The following ACER1 variants were observed in gnomAD, a reference collection of about 807,000 sequenced individuals.
ACER1 encodes CTB-180A7.3.
In ACER1, 28 loss-of-function variants were observed where a neutral mutation model predicts 24.9. The observed-to-expected ratio is 1.13, with a 90% CI of 0.83 to 1.54. The LOEUF is 1.54. Among genes scored for constraint, ACER1 ranks in the 40% most tolerant of loss-of-function variants. The probability of loss-of-function intolerance (pLI) is 0.00; values close to 1 mark genes in which losing one functional copy is unlikely to be tolerated. For missense variants in ACER1, 352 were observed against 349.3 expected, an observed-to-expected ratio of 1.01 and a Z score of -0.06; for synonymous variants, 132 against 131.4, an observed-to-expected ratio of 1.00 and a Z score of -0.03.
At chr19:6,333,644 C>A (rs966180045), upstream of ACER1, 18 of 1,072,724 alleles carry the variant, frequency 1.7e-5, no homozygotes, top group Non-Finnish European at 2.4e-5. Flanking sequence ...GAGAGGACAG[C>A]CCGGTGCCCC....
chr19:6,320,430 A>G (rs1342081706), intron 1 of ACER1, among the ~76,000 whole-genome samples: 17 of 152,118 alleles, frequency 1.1e-4, no homozygotes, highest in Admixed American at 1.1e-3. Context: ...CTCCTGCCTC[A>G]GCCTCCTGAG....
chr19:6,306,720 G>A lies in ACER1; in HGVS notation c.789C>T (p.Asp263=). 6.2e-7 allele frequency: 1 copy of A among 1,608,830 alleles called. No individual in the cohort carries two copies. Residue 263 remains aspartate (D), a synonymous_variant, in exon 6 of 6, where the codon GAC becomes GAT. Transcript: ENST00000301452. The part of the protein sequence containing the change: ...PYVEIRGDDK[D]C Reference sequence around the variant, plus strand: ...GTCAAGAGGCTGGCAGGTCTCAGCAGTCCTTGTCATCACCCCGGATTTCCA... The same window carrying A: ...GTCAAGAGGCTGGCAGGTCTCAGCAATCCTTGTCATCACCCCGGATTTCCA...
At chr19:6,325,636 A>G (rs965038474) in intron 1 of ACER1, among the ~76,000 whole-genome samples, 1 of 152,102 alleles carries the variant, frequency 6.6e-6, no homozygotes, top group African/African-American at 2.4e-5. Flanking sequence ...CTGGGTGACA[A>G]AGCCAGACTC....
chr19:6,358,442 G>A, the ACER1 span, among the ~76,000 whole-genome samples: 8 of 151,998 alleles, frequency 5.3e-5, no homozygotes, highest in Admixed American at 2.0e-4. Flanking sequence ...CAGTCCCCTC[G>A]AGGTTACAGA....
intron 1 of ACER1, among the ~76,000 whole-genome samples, chr19:6,328,125 A>G (rs1305706023): frequency 6.6e-6 from 1 of 151,016 alleles, no homozygotes; most frequent in African/African-American, 2.4e-5. Flanking sequence ...TTATTTATCT[A>G]TTATCTATGG....
At chr19:6,308,076 C>T (rs2091560650) in intron 4 of ACER1, among the ~76,000 whole-genome samples, 1 of 151,052 alleles carries the variant, frequency 6.6e-6, no homozygotes, top group African/African-American at 2.5e-5. Context: ...GAGTGAGACT[C>T]CATCTTAAAT....
At chr19:6,325,766 G>T (rs987177459) in intron 1 of ACER1, among the ~76,000 whole-genome samples, 1 of 152,036 alleles carries the variant, frequency 6.6e-6, no homozygotes, top group Admixed American at 6.5e-5. Context: ...GGGCTGAGAC[G>T]GGAGGACTGC....
upstream of ACER1, chr19:6,333,776 G>A (rs777121004): frequency 2.1e-6 from 1 of 485,894 alleles, no homozygotes; most frequent in Non-Finnish European, 3.7e-6. Context: ...TCCAGGCAGG[G>A]CAGGGGGCAG....
At chr19:6,323,830 A>G (rs1342354907) in intron 1 of ACER1, among the ~76,000 whole-genome samples, 1 of 151,960 alleles carries the variant, frequency 6.6e-6, no homozygotes, top group African/African-American at 2.4e-5. Flanking sequence ...CTTGTAATTT[A>G]GAGCTTATGA....
chr19:6,349,493 G>A, the ACER1 span, among the ~76,000 whole-genome samples: 2 of 143,384 alleles, frequency 1.4e-5, no homozygotes, highest in African/African-American at 2.7e-5. Context: ...GGGAGGGAAG[G>A]AAGGAAGGAA....
At chr19:6,356,261 T>C in the ACER1 span, among the ~76,000 whole-genome samples, 1 of 146,746 alleles carries the variant, frequency 6.8e-6, no homozygotes, top group South Asian at 2.1e-4. Flanking sequence ...GTTAAACAGA[T>C]GCTTGAAGGC....
chr19:6,323,109 T>C (rs1486938050), intron 1 of ACER1, among the ~76,000 whole-genome samples: 1 of 145,916 alleles, frequency 6.9e-6, no homozygotes, highest in Non-Finnish European at 1.5e-5. Context: ...TGAAACTCTG[T>C]CTCAAAACAA....
At chr19:6,324,333 C>G (rs776559211) in intron 1 of ACER1, among the ~76,000 whole-genome samples, 1 of 151,280 alleles carries the variant, frequency 6.6e-6, no homozygotes, top group East Asian at 2.0e-4. Flanking sequence ...CATGAGCCAC[C>G]GCACTTGGCC....
intron 1 of ACER1, among the ~76,000 whole-genome samples, chr19:6,315,301 T>A (rs899769247): frequency 2.6e-5 from 4 of 151,934 alleles, no homozygotes; most frequent in Non-Finnish European, 4.4e-5. Context: ...CATCCCAGGT[T>A]CAAGTAATCC....
At position 6,306,816 on chromosome 19, in the gene ACER1, A is replaced by T; in HGVS notation, c.693T>A (p.Tyr231Ter). The T allele has an allele frequency of 6.2e-7, 1 of 1,613,506 alleles. No homozygotes were observed. Among genetic ancestry groups the T allele is most frequent in the Non-Finnish European group, 8.5e-7 (1 of 1,179,418 alleles). ...MVTMALVDANYEMPGETLKVR... is the reference protein window; with the variant it reads ...MVTMALVDAN ...CTTTGAGGGTTTCACCTGGCATCTCATAGTTGGCATCCACCAAGGCCATGG... is the reference window on the plus strand; with the variant it reads ...CTTTGAGGGTTTCACCTGGCATCTCTTAGTTGGCATCCACCAAGGCCATGG... Residue 231 changes from tyrosine to a stop codon, truncating the protein, a stop_gained, in exon 6 of 6, where the codon TAT becomes TAA. Coordinates refer to ENST00000301452, the MANE Select transcript of ACER1 (RefSeq NM_133492.3). LOFTEE classifies it high-confidence loss of function.
intron 1 of ACER1, among the ~76,000 whole-genome samples, chr19:6,332,367 T>C (rs1320845033): frequency 6.8e-6 from 1 of 147,420 alleles, no homozygotes; most frequent in Non-Finnish European, 1.5e-5. Context: ...ACTTCTTGGG[T>C]TCAAGAAATC....
At chr19:6,310,245 G>T (rs190829820) in intron 3 of ACER1, among the ~76,000 whole-genome samples, 2 of 150,614 alleles carry the variant, frequency 1.3e-5, no homozygotes, top group African/African-American at 4.9e-5. Context: ...CCGCCACCAC[G>T]CCCGGCTCAT....
intron 1 of ACER1, among the ~76,000 whole-genome samples, chr19:6,330,860 A>C (rs1368483689): frequency 6.7e-6 from 1 of 149,558 alleles, no homozygotes; most frequent in Admixed American, 6.6e-5. Context: ...TCATAATCCC[A>C]CTTCCCAGGT....
intron 1 of ACER1, among the ~76,000 whole-genome samples, chr19:6,324,299 C>T (rs1031566026): frequency 3.3e-5 from 5 of 151,208 alleles, no homozygotes; most frequent in African/African-American, 1.2e-4. Flanking sequence ...CTGCCTTGGC[C>T]TCCCACAGTG....
Sources: allele counts gnomAD v4.1 joint callset (sites outside exome capture counted in the v4.1 genomes callset), GRCh38; gene constraint gnomAD v4.1.1; transcripts MANE v1.5; gene names NCBI Gene and HGNC (gene_info 2026-07-23, HGNC 2026-07-21).